CAPN9: variants seen among roughly 807,000 people sequenced by gnomAD.
The protein encoded by CAPN9 is calpain-9.
A neutral mutation model predicts 92.8 loss-of-function variants in CAPN9; 81 were observed. That is an observed-to-expected ratio of 0.87 (90% CI 0.73 to 1.05). The LOEUF (loss-of-function observed/expected upper bound fraction) is 1.05. Among genes scored for constraint, CAPN9 ranks in the 50% least tolerant of loss-of-function variants. CAPN9 has a pLI of 0.00. For missense variants in CAPN9, 848 were observed against 866.2 expected (o/e 0.98, Z 0.26); for synonymous variants, 304 against 328.0 (o/e 0.93, Z 0.79).
chr1:230,794,910 G>A (rs993692285), intron 17 of CAPN9, among the ~76,000 whole-genome samples: 1 of 152,216 alleles, frequency 6.6e-6, no homozygotes, highest in African/African-American at 2.4e-5. Context: ...AAACTCAGAA[G>A]CCATTAAACA....
chr1:230,794,995 C>T, intron 17 of CAPN9, 168 bp from the exon 18 acceptor site: 1 of 600,902 alleles, frequency 1.7e-6, no homozygotes. Flanking sequence ...TGCATTCACA[C>T]CAAGGGCAGC....
intron 3 of CAPN9, among the ~76,000 whole-genome samples, chr1:230,762,361 A>G (rs1398528015): frequency 6.6e-6 from 1 of 152,254 alleles, no homozygotes; most frequent in African/African-American, 2.4e-5. Flanking sequence ...AGAGCACCGT[A>G]GAGTGTCTAC....
At chr1:230,752,387 C>T (rs534883091) in intron 1 of CAPN9, among the ~76,000 whole-genome samples, 3 of 152,338 alleles carry the variant, frequency 2.0e-5, no homozygotes, top group South Asian at 2.1e-4. Flanking sequence ...AATTTATACC[C>T]GATGGCTAAT....
intron 19 of CAPN9, among the ~76,000 whole-genome samples, chr1:230,800,346 A>C (rs184644073): frequency 3.3e-5 from 5 of 152,288 alleles, no homozygotes; most frequent in African/African-American, 1.2e-4. Flanking sequence ...TTTATTTATC[A>C]TTTACTTTAA....
At chr1:230,761,289 C>T (rs1037502971) in intron 3 of CAPN9, among the ~76,000 whole-genome samples, 2 of 152,154 alleles carry the variant, frequency 1.3e-5, no homozygotes, top group Admixed American at 6.5e-5. Flanking sequence ...TGCAGGTGTG[C>T]GTGCTAGGAA....
At chr1:230,762,360 TAG>T (rs1665698871) in intron 3 of CAPN9, among the ~76,000 whole-genome samples, 1 of 152,250 alleles carries the variant, frequency 6.6e-6, no homozygotes, top group African/African-American at 2.4e-5. Context: ...CAGAGCACCG[TAG>T]AGTGTCTACT....
chr1:230,795,323 T>C, intron 18 of CAPN9, 44 bp downstream of exon 18: 2 of 1,165,472 alleles, frequency 1.7e-6, no homozygotes, highest in Non-Finnish European at 2.6e-6. Context: ...GGGTGGCATC[T>C]TCAGTCACCC....
chr1:230,765,669 A>G (rs146562590), intron 4 of CAPN9, among the ~76,000 whole-genome samples: 2,250 of 152,298 alleles, frequency 0.015, 58 homozygotes, highest in East Asian at 0.084. Flanking sequence ...AAAAACAAAA[A>G]CAAAACAAAA....
intron 19 of CAPN9, among the ~76,000 whole-genome samples, chr1:230,801,259 C>T (rs1668710099): frequency 6.6e-6 from 1 of 152,138 alleles, no homozygotes; most frequent in Non-Finnish European, 1.5e-5. Flanking sequence ...TAATACTGCC[C>T]TGCCCAAGAT....
intron 11 of CAPN9, among the ~76,000 whole-genome samples, chr1:230,783,705 C>T (rs1667381738): frequency 6.6e-6 from 1 of 152,068 alleles, no homozygotes. Context: ...CAAGAACAGC[C>T]TAATACAGAA....
chr1:230,762,514 A>G, intron 3 of CAPN9, 139 bp from the exon 4 acceptor site: 1 of 946,180 alleles, frequency 1.1e-6, no homozygotes, highest in Non-Finnish European at 1.6e-6. Context: ...CTACCTTGGA[A>G]CCCGTGTGTG....
At chr1:230,764,202 T>C (rs995858100) in intron 4 of CAPN9, among the ~76,000 whole-genome samples, 1 of 152,202 alleles carries the variant, frequency 6.6e-6, no homozygotes, top group African/African-American at 2.4e-5. Flanking sequence ...AAATAGCTTT[T>C]GAATCAGTAG....
intron 11 of CAPN9, among the ~76,000 whole-genome samples, chr1:230,781,262 T>C (rs540696118): frequency 3.4e-4 from 51 of 152,212 alleles, no homozygotes; most frequent in Non-Finnish European, 5.4e-4. Context: ...GAAAAGTTGC[T>C]GTTTTCTACT....
At chr1:230,771,424 A>T (rs1666380936) in intron 6 of CAPN9, among the ~76,000 whole-genome samples, 1 of 152,254 alleles carries the variant, frequency 6.6e-6, no homozygotes, top group African/African-American at 2.4e-5. Context: ...AGGGTGATTG[A>T]GGTGAACAGC....
chr1:230,748,982 CTG>C lies in CAPN9; in HGVS notation c.213+1277_213+1278del, dbSNP rs1480048421. Among the ~76,000 whole-genome samples, 5 of 152,042 alleles carry C rather than the reference CTG, an allele frequency of 3.3e-5. No individual in the cohort carries two copies. The East Asian group carries it at 9.6e-4, about 29-fold the overall frequency. ...CGCACTTGTGTGTGTAGGAATTTGA[CTG>C]TGTATGTGCATGTGTGTGACTGTGT... On this transcript the variant is annotated intron_variant, in intron 1 of 19. Coordinates refer to ENST00000271971, the MANE Select transcript of CAPN9 (RefSeq NM_006615.3).
rs1362542441 is a variant in CAPN9, at chr1:230,798,369, G to C, written c.2046+149G>C. On this transcript the variant is annotated intron_variant, in intron 19 of 19. Transcript: ENST00000271971. ...ATAACAAAATAGCTAATATTTTTGA[G>C]ATACTATTTATCAAGTAATCAATTA... The C allele has an allele frequency of 1.5e-5, 9 of 617,546 alleles. No homozygotes were observed. In the African/African-American group the frequency reaches 1.5e-4, roughly 10 times the overall value. 38.3% of individuals were successfully genotyped at this position (617,546 alleles called of 1,614,324 possible). A position where few individuals can be genotyped will look rare whatever the true frequency, so the allele number is the denominator to read the frequency against.
chr1:230,758,474 C>T (rs1318130155), intron 2 of CAPN9, among the ~76,000 whole-genome samples: 2 of 152,196 alleles, frequency 1.3e-5, no homozygotes, highest in Admixed American at 6.5e-5. Context: ...AGAAACCAAT[C>T]CTTCTGTGCT....
intron 1 of CAPN9, among the ~76,000 whole-genome samples, chr1:230,749,600 C>T (rs1664636844): frequency 6.6e-6 from 1 of 152,150 alleles, no homozygotes; most frequent in African/African-American, 2.4e-5. Context: ...GAGCCCCTGG[C>T]CAGAAGCAGC....
In CAPN9 at chr1:230,787,447, G is replaced by T. The variant is rs952507786; in HGVS notation, c.1519-75G>T. The T allele has an allele frequency of 6.1e-6, 8 of 1,309,694 alleles. No homozygotes were observed. The African/African-American group carries it at 1.2e-4, about 19-fold the overall frequency. The allele number at this position is 1,309,694 out of a possible 1,614,324, so 81.1% of individuals were successfully genotyped here. A position where few individuals can be genotyped will look rare whatever the true frequency, so the allele number is the denominator to read the frequency against. On this transcript the variant is annotated intron_variant, in intron 12 of 19. Coordinates refer to ENST00000271971, the MANE Select transcript of CAPN9 (RefSeq NM_006615.3). ...ATGGGGCTGGGCACACAGGCTCCTGGCTTCTTTCCTGCTATTTTTGTCATG... is the reference window on the plus strand; with the variant it reads ...ATGGGGCTGGGCACACAGGCTCCTGTCTTCTTTCCTGCTATTTTTGTCATG...
Sources: allele counts gnomAD v4.1 joint callset (sites outside exome capture counted in the v4.1 genomes callset), GRCh38; gene constraint gnomAD v4.1.1; transcripts MANE v1.5; gene names NCBI Gene and HGNC (gene_info 2026-07-23, HGNC 2026-07-21).